The following WWOX variants were observed in gnomAD, a reference collection of about 807,000 sequenced individuals.
WWOX encodes WW domain-containing oxidoreductase.
In WWOX, 69 loss-of-function variants were observed where a neutral mutation model predicts 46.2. The ratio of observed to expected loss-of-function variants is 1.49; its 90% CI spans 1.23 to 1.82. The LOEUF is 1.82. Among genes scored for constraint, WWOX ranks in the 40% most tolerant of loss-of-function variants. WWOX has a pLI of 0.00. For synonymous variants in WWOX, 359 were observed against 202.6 expected (o/e 1.77, Z -6.56); for missense variants, 919 against 542.6 (o/e 1.69, Z -6.89).
chr16:78,288,180 T>C (rs536645793), intron 5 of WWOX, among the ~76,000 whole-genome samples: 1 of 152,302 alleles, frequency 6.6e-6, no homozygotes, highest in Non-Finnish European at 1.5e-5. Context: ...GAAACACTTT[T>C]AAATTTTTAT....
chr16:78,848,203 A>G (rs1259760070), intron 8 of WWOX, among the ~76,000 whole-genome samples: 1 of 152,218 alleles, frequency 6.6e-6, no homozygotes, highest in East Asian at 1.9e-4. Flanking sequence ...ATGCCAATGA[A>G]TTAGAGTTGA....
intron 6 of WWOX, among the ~76,000 whole-genome samples, chr16:78,395,576 G>T (rs1358479097): frequency 6.6e-6 from 1 of 151,934 alleles, no homozygotes; most frequent in Non-Finnish European, 1.5e-5. Flanking sequence ...AGGAAAATTG[G>T]GCCCAGGAAT....
chr16:79,084,489 C>A (rs772950946), intron 8 of WWOX, among the ~76,000 whole-genome samples: 13 of 152,040 alleles, frequency 8.6e-5, no homozygotes, highest in Non-Finnish European at 1.6e-4. Context: ...GGTACAGTCT[C>A]GGCTCACTGC....
At chr16:78,541,694 G>A (rs1349855134) in intron 8 of WWOX, among the ~76,000 whole-genome samples, 1 of 151,798 alleles carries the variant, frequency 6.6e-6, no homozygotes, top group East Asian at 1.9e-4. Flanking sequence ...AAGTGATTTA[G>A]CCTTTGTTCC....
chr16:78,608,478 C>T (rs1238417883), intron 8 of WWOX, among the ~76,000 whole-genome samples: 22 of 152,196 alleles, frequency 1.4e-4, no homozygotes, highest in Non-Finnish European at 1.5e-5. Context: ...GACTTGGCCA[C>T]AGTGTTTTCC....
chr16:78,331,641 C>G (rs1306517368), intron 5 of WWOX, among the ~76,000 whole-genome samples: 1 of 152,152 alleles, frequency 6.6e-6, no homozygotes, highest in Admixed American at 6.5e-5. Flanking sequence ...TTGCTTATTT[C>G]ACTGGGTTCA....
intron 8 of WWOX, among the ~76,000 whole-genome samples, chr16:78,785,998 C>T (rs909414703): frequency 1.3e-5 from 2 of 152,204 alleles, no homozygotes; most frequent in African/African-American, 4.8e-5. Context: ...CCTCCGCCTC[C>T]TGGGTTCAAG....
At chr16:78,287,546 C>T (rs984059910) in intron 5 of WWOX, among the ~76,000 whole-genome samples, 5 of 152,204 alleles carry the variant, frequency 3.3e-5, no homozygotes, top group Admixed American at 2.6e-4. Context: ...AGATGTCACA[C>T]GATTATTGCT....
intron 8 of WWOX, among the ~76,000 whole-genome samples, chr16:78,909,513 T>C (rs2045053693): frequency 6.6e-6 from 1 of 152,316 alleles, no homozygotes; most frequent in Middle Eastern, 3.4e-3. Context: ...TGGCCTCCTC[T>C]AGGTCCCACG....
At chr16:78,404,399 T>C (rs934223690) in intron 6 of WWOX, among the ~76,000 whole-genome samples, 1 of 152,140 alleles carries the variant, frequency 6.6e-6, no homozygotes, top group Non-Finnish European at 1.5e-5. Flanking sequence ...TGGGGCCCAT[T>C]ATTATGACTT....
intron 5 of WWOX, among the ~76,000 whole-genome samples, chr16:78,369,007 C>G (rs2081602359): frequency 1.3e-5 from 2 of 152,120 alleles, no homozygotes; most frequent in Non-Finnish European, 2.9e-5. Context: ...CCCTTCTTAT[C>G]TAATCCCCTT....
At chr16:78,376,721 C>T (rs373762929) in intron 5 of WWOX, among the ~76,000 whole-genome samples, 1 of 152,140 alleles carries the variant, frequency 6.6e-6, no homozygotes, top group Non-Finnish European at 1.5e-5. Context: ...TTGCAACAAG[C>T]AGAAATGTCT....
chr16:78,918,418 T>A (rs1267122273), intron 8 of WWOX, among the ~76,000 whole-genome samples: 1 of 152,096 alleles, frequency 6.6e-6, no homozygotes, highest in South Asian at 2.1e-4. Context: ...CTAGGTCGTG[T>A]CCTATCCCTT....
intron 8 of WWOX, among the ~76,000 whole-genome samples, chr16:78,735,207 A>G (rs977699024): frequency 1.3e-5 from 2 of 152,074 alleles, no homozygotes; most frequent in African/African-American, 4.8e-5. Flanking sequence ...GAACTGAAGC[A>G]TCAGCATTTC....
chr16:78,917,729 G>A (rs1273997220), intron 8 of WWOX, among the ~76,000 whole-genome samples: 1 of 151,868 alleles, frequency 6.6e-6, no homozygotes. Context: ...TTTTGGTAGT[G>A]CCTCCAGAAC....
At chr16:78,609,147 T>G (rs538233177) in intron 8 of WWOX, among the ~76,000 whole-genome samples, 3 of 152,218 alleles carry the variant, frequency 2.0e-5, no homozygotes, top group Admixed American at 6.5e-5. Context: ...AAGGTTATAT[T>G]TGAAATCTTT....
intron 8 of WWOX, among the ~76,000 whole-genome samples, chr16:78,810,193 A>C (rs996978368): frequency 3.9e-5 from 6 of 152,200 alleles, no homozygotes; most frequent in African/African-American, 1.4e-4. Context: ...CCTTGCCTAT[A>C]CATTTTCAAA....
chr16:78,695,124 C>T (rs2048071597), intron 8 of WWOX, among the ~76,000 whole-genome samples: 1 of 152,150 alleles, frequency 6.6e-6, no homozygotes, highest in Non-Finnish European at 1.5e-5. Context: ...GGATTACAGG[C>T]ACAAAGGTTT....
intron 8 of WWOX, among the ~76,000 whole-genome samples, chr16:78,755,205 TAAAGTG>T (rs776886681): frequency 1.0e-3 from 140 of 136,654 alleles, no homozygotes; most frequent in Non-Finnish European, 1.7e-3. Context: ...TCCCAGAACT[TAAAGTG>T]AAAGGAAAAA....
Sources: gnomAD v4.1 joint callset for allele counts (sites outside exome capture counted in the v4.1 genomes callset) on GRCh38, gnomAD v4.1.1 for gene constraint, MANE v1.5 for transcripts, NCBI Gene and HGNC (gene_info 2026-07-23, HGNC 2026-07-21) for gene names.